OPN3: variants seen among roughly 807,000 people sequenced by gnomAD.
The protein encoded by OPN3 is opsin 3, also known as opsin-3.
Under a neutral mutation model 33.8 loss-of-function variants are expected in OPN3, and 29 were observed. That is an observed-to-expected ratio of 0.86 (90% CI 0.64 to 1.17). The LOEUF is 1.17. OPN3 is among the 50% of genes most tolerant of loss of function. OPN3 has a pLI of 0.00. For synonymous variants in OPN3, 216 were observed against 216.1 expected (o/e 1.00, Z 0.00); for missense variants, 437 against 514.1 (o/e 0.85, Z 1.45).
chr1:241,607,479 A>G (rs1356776076), intron 1 of OPN3, among the ~76,000 whole-genome samples: 1 of 151,990 alleles, frequency 6.6e-6, no homozygotes, highest in Non-Finnish European at 1.5e-5. Flanking sequence ...GTGCCACTGC[A>G]CTCCAGCCTG....
intron 1 of OPN3, among the ~76,000 whole-genome samples, chr1:241,617,353 T>A (rs1408952324): frequency 6.6e-6 from 1 of 152,190 alleles, no homozygotes; most frequent in African/African-American, 2.4e-5. Context: ...ATGAATAAAT[T>A]GTGGAATAGC....
chr1:241,600,827 C>G (rs1197215329), intron 2 of OPN3: 1 of 152,018 alleles, frequency 6.6e-6, no homozygotes, highest in Non-Finnish European at 1.5e-5. Flanking sequence ...AGACACTGTT[C>G]CAGTCACAGG....
At chr1:241,639,431 T>C (rs1251665078) in intron 1 of OPN3, among the ~76,000 whole-genome samples, 1 of 152,180 alleles carries the variant, frequency 6.6e-6, no homozygotes, top group Admixed American at 6.5e-5. Context: ...TAGTAGTACA[T>C]GAATCTAATC....
chr1:241,634,728 A>ATGTCAT, intron 1 of OPN3: 1 of 1,613,992 alleles, frequency 6.2e-7, no homozygotes, highest in Non-Finnish European at 8.5e-7. Flanking sequence ...GATGATTCTG[A>ATGTCAT]TGTCATTGCA....
At chr1:241,602,631 G>C (rs1056390077) in intron 2 of OPN3, among the ~76,000 whole-genome samples, 42 of 152,040 alleles carry the variant, frequency 2.8e-4, no homozygotes, top group African/African-American at 8.5e-4. Flanking sequence ...AAGACAGAAA[G>C]AGAGACAGAG....
chr1:241,623,099 C>CAAAAAACA (rs1664313266), intron 1 of OPN3, among the ~76,000 whole-genome samples: 1 of 151,182 alleles, frequency 6.6e-6, no homozygotes, highest in Non-Finnish European at 1.5e-5. Context: ...AAACAAAAAA[C>CAAAAAACA]AAAAAAAACA....
chr1:241,611,786 G>A (rs1284590214), intron 1 of OPN3, among the ~76,000 whole-genome samples: 1 of 152,182 alleles, frequency 6.6e-6, no homozygotes, highest in East Asian at 1.9e-4. Flanking sequence ...TACAATTCTA[G>A]AGAATTTTAT....
At chr1:241,617,860 C>T (rs1206651168) in intron 1 of OPN3, among the ~76,000 whole-genome samples, 1 of 152,160 alleles carries the variant, frequency 6.6e-6, no homozygotes, top group Non-Finnish European at 1.5e-5. Flanking sequence ...AAGTTGTAAA[C>T]AAACTTGTGA....
Position 241,601,939 on chromosome 1 carries a change from CTTTATA to C in OPN3, c.693+2315_693+2320del, listed in dbSNP as rs1161111639. Among the ~76,000 whole-genome samples the C allele has an allele frequency of 2.0e-5, 3 of 152,048 alleles. No individual in the cohort carries two copies. The East Asian group carries it at 5.8e-4, about 29-fold the overall frequency. ...TTTAGGGAAAATATGACAAATTAATCTTTATATTTGTTAAATTTGATGAGTCTGTGG... is the reference window on the plus strand; with the variant it reads ...TTTAGGGAAAATATGACAAATTAATCTTTGTTAAATTTGATGAGTCTGTGG... On this transcript the variant is annotated intron_variant, in intron 2 of 3. Transcript: ENST00000366554.
chr1:241,609,210 A>C (rs1363074614), intron 1 of OPN3, among the ~76,000 whole-genome samples: 2 of 152,330 alleles, frequency 1.3e-5, no homozygotes, highest in East Asian at 3.9e-4. Flanking sequence ...AATGGGAATG[A>C]TGAGTGCTGC....
chr1:241,634,767 T>G, intron 1 of OPN3: 1 of 1,613,988 alleles, frequency 6.2e-7, no homozygotes, highest in Non-Finnish European at 8.5e-7. Flanking sequence ...TGTTGAAGGT[T>G]GGGAGTTAGT....
intron 1 of OPN3, among the ~76,000 whole-genome samples, chr1:241,622,784 C>T (rs1664300531): frequency 6.6e-6 from 1 of 152,192 alleles, no homozygotes; most frequent in African/African-American, 2.4e-5. Flanking sequence ...TTCTATACCG[C>T]ATGTTTTTTC....
intron 1 of OPN3, among the ~76,000 whole-genome samples, chr1:241,622,813 G>A (rs1200473982): frequency 6.6e-6 from 1 of 152,168 alleles, no homozygotes; most frequent in Non-Finnish European, 1.5e-5. Context: ...GAGCAAGTAA[G>A]TGGGTAATCT....
rs1664707816 is a variant in OPN3 at position 241,633,030 on chromosome 1, G to T, written c.373+6852C>A. 2.0e-5 allele frequency: 3 copies of T among 152,084 alleles called. No individual in the cohort carries two copies. In the South Asian group the frequency reaches 6.2e-4, roughly 32 times the overall value. 9.4% of individuals were successfully genotyped at this position (152,084 alleles called of 1,614,324 possible). Reference sequence around the variant, plus strand: ...GGGCAGGGCTCTGCAGAAATTTTCTGAAGTATTAAATAAGAATAAATCTTA... The same window carrying T: ...GGGCAGGGCTCTGCAGAAATTTTCTTAAGTATTAAATAAGAATAAATCTTA... On this transcript the variant is annotated intron_variant, in intron 1 of 3. Coordinates refer to ENST00000366554, the MANE Select transcript of OPN3 (RefSeq NM_014322.3).
chr1:241,634,424 T>C, intron 1 of OPN3: 1 of 1,613,794 alleles, frequency 6.2e-7, no homozygotes, highest in Non-Finnish European at 8.5e-7. Flanking sequence ...ATACTGCACA[T>C]TTGAGCATGT....
At chr1:241,612,580 T>C (rs1664026121) in intron 1 of OPN3, among the ~76,000 whole-genome samples, 1 of 152,218 alleles carries the variant, frequency 6.6e-6, no homozygotes, top group African/African-American at 2.4e-5. Context: ...GTCAGCTTGC[T>C]CTCTGACCTG....
chr1:241,633,983 G>A lies in OPN3; in HGVS notation c.373+5899C>T. On this transcript the variant is annotated intron_variant, in intron 1 of 3. Coordinates refer to ENST00000366554, the MANE Select transcript of OPN3 (RefSeq NM_014322.3). Reference sequence around the variant, plus strand: ...AGTTGGAAAGATCTCCTGGAAAAGTGTTTCAGCTTGCTTGACAGCATGCTC... The same window carrying A: ...AGTTGGAAAGATCTCCTGGAAAAGTATTTCAGCTTGCTTGACAGCATGCTC... 1.9e-6 allele frequency: 3 copies of A among 1,613,958 alleles called. No homozygotes were observed. In the South Asian group the frequency reaches 3.3e-5, roughly 18 times the overall value.
intron 1 of OPN3, among the ~76,000 whole-genome samples, chr1:241,619,091 G>A (rs1194750877): frequency 6.6e-6 from 1 of 151,992 alleles, no homozygotes; most frequent in East Asian, 1.9e-4. Context: ...ATTCTTCACG[G>A]ATCTTTCTAC....
intron 1 of OPN3, chr1:241,635,511 C>T: frequency 3.1e-6 from 5 of 1,613,908 alleles, no homozygotes; most frequent in Non-Finnish European, 4.2e-6. Context: ...AGAGTGATGG[C>T]TTCTTCTGTT....
Sources: gnomAD v4.1 joint callset for allele counts (sites outside exome capture counted in the v4.1 genomes callset) on GRCh38, gnomAD v4.1.1 for gene constraint, MANE v1.5 for transcripts, NCBI Gene and HGNC (gene_info 2026-07-23, HGNC 2026-07-21) for gene names.